Variants in TTC27 observed in about 807,000 individuals in gnomAD.
TTC27 encodes the protein tetratricopeptide repeat protein 27.
In TTC27, 79 loss-of-function variants were observed where a neutral mutation model predicts 115.9. That is an observed-to-expected ratio of 0.68 (90% CI 0.57 to 0.82). The LOEUF is 0.82. TTC27 is among the 40% of genes least tolerant of loss of function. The pLI is 0.00. For missense variants in TTC27, 1,054 were observed against 993.1 expected, an observed-to-expected ratio of 1.06 and a Z score of -0.82; for synonymous variants, 401 against 356.0, an observed-to-expected ratio of 1.13 and a Z score of -1.42.
In TTC27 at chr2:32,758,374, A is replaced by G. The variant is rs1217336081; in HGVS notation, c.1535A>G (p.His512Arg). Residue 512 changes from histidine to arginine, a missense_variant, in exon 13 of 20, where the codon CAT becomes CGT. His to Arg is a conservative substitution (Grantham distance 29). Transcript: ENST00000317907. ...TTGCTTGGAGATGTCCTCGGAGACC[A>G]TTCTTGCTATGACAAGGCCTGGGAG... ...YCLLGDVLGD[H>R]SCYDKAWELS... The G allele has an allele frequency of 6.2e-7, 1 of 1,614,138 alleles. No individual in the cohort carries two copies. Among genetic ancestry groups the G allele is most frequent in the African/African-American group, 1.3e-5 (1 of 74,948 alleles).
At chr2:32,763,237 C>T (rs1669508639) in intron 13 of TTC27, among the ~76,000 whole-genome samples, 1 of 152,144 alleles carries the variant, frequency 6.6e-6, no homozygotes, top group African/African-American at 2.4e-5. Context: ...AGAACTACTA[C>T]AAGATGCAAA....
rs977079629 is a variant in TTC27, at chr2:32,628,109, C to G, written c.-184C>G. On this transcript the variant is annotated 5_prime_UTR_variant, in exon 1 of 20. Coordinates refer to ENST00000317907, the MANE Select transcript of TTC27 (RefSeq NM_017735.5). ...CGTGTTTTTCCCAGGGTGCCCCGCG[C>G]TGCTGTTATGGCCGCCTCCTTGAGG... The G allele has an allele frequency of 8.6e-6, 5 of 581,136 alleles. No individual in the cohort carries two copies. The highest frequency in any genetic ancestry group is 6.6e-5 in the Admixed American group (2 of 30,526). 36.0% of individuals were successfully genotyped at this position (581,136 alleles called of 1,614,324 possible).
At chr2:32,758,266 A>G (rs1669307075) in intron 12 of TTC27, 26 bp from the exon 13 acceptor site, 1 of 1,604,828 alleles carries the variant, frequency 6.2e-7, no homozygotes, top group Non-Finnish European at 8.5e-7. Flanking sequence ...ACTCTTAAGC[A>G]ATTTCATTAT....
In TTC27 at chr2:32,736,773, A is replaced by G. The variant is rs141709300; in HGVS notation, c.1409A>G (p.Glu470Gly). The G allele has an allele frequency of 6.2e-7, 1 of 1,614,050 alleles. No homozygotes were observed. The highest frequency in any genetic ancestry group is 8.5e-7 in the Non-Finnish European group (1 of 1,179,938). ...ATATTTGAAAAGCTAGAAATGTGGG[A>G]AGATGTTGTCATTTGTTATGAAAGA... Reference protein sequence around the residue: ...LQIFEKLEMWEDVVICYERAG... With the variant: ...LQIFEKLEMWGDVVICYERAG... Residue 470 changes from glutamate (E) to glycine (G), a missense_variant, in exon 12 of 20, where the codon GAA (glutamate) becomes GGA (glycine). By Grantham distance (98) the Glu-to-Gly change is moderately conservative. Transcript: ENST00000317907.
chr2:32,666,524 A>T (rs902148113), intron 6 of TTC27, 111 bp from the exon 7 acceptor site: 13 of 1,159,582 alleles, frequency 1.1e-5, no homozygotes, highest in Non-Finnish European at 1.5e-5. Flanking sequence ...TCTTATGTGA[A>T]ATGGAGAAAA....
At chr2:32,689,616 A>T (rs1456213075) in intron 9 of TTC27, among the ~76,000 whole-genome samples, 2 of 152,110 alleles carry the variant, frequency 1.3e-5, no homozygotes, top group African/African-American at 2.4e-5. Context: ...CCCAAAGTTA[A>T]TGGGGGGAAT....
chr2:32,709,040 A>C lies in TTC27; in HGVS notation c.1233+6120A>C, dbSNP rs564077966. Among the ~76,000 whole-genome samples the C allele has an allele frequency of 5.3e-5, 8 of 152,340 alleles. 1 individual carries two copies. In the South Asian group the frequency reaches 1.7e-3, roughly 32 times the overall value. On this transcript the variant is annotated intron_variant, in intron 10 of 19. Transcript: ENST00000317907. The stretch of plus-strand genomic sequence containing the variant: ...CAAACCCCACATTGTTCAAGAGTCA[A>C]CTGTATTTGATTGTAACTCAAAGTA...
At chr2:32,811,373 C>G (rs1671311797) in intron 17 of TTC27, 152 bp downstream of exon 17, 1 of 732,742 alleles carries the variant, frequency 1.4e-6, no homozygotes, top group Non-Finnish European at 2.2e-6. Context: ...AACCTACGTA[C>G]TTTGAATTGT....
chr2:32,648,416 C>T (rs1406963887), intron 4 of TTC27, among the ~76,000 whole-genome samples: 1 of 150,426 alleles, frequency 6.6e-6, no homozygotes, highest in Non-Finnish European at 1.5e-5. Flanking sequence ...AGGTGTGAAC[C>T]ACTGCACCTG....
chr2:32,633,590 G>A (rs901804560), intron 2 of TTC27, among the ~76,000 whole-genome samples: 1 of 152,040 alleles, frequency 6.6e-6, no homozygotes, highest in Non-Finnish European at 1.5e-5. Context: ...TTTTTGTAGA[G>A]ACAGGGTCTC....
intron 4 of TTC27, among the ~76,000 whole-genome samples, chr2:32,642,930 A>C (rs1441923504): frequency 2.0e-5 from 3 of 151,416 alleles, no homozygotes; most frequent in African/African-American, 7.3e-5. Flanking sequence ...CATCTCCCCT[A>C]AGTGCCGAGA....
intron 12 of TTC27, among the ~76,000 whole-genome samples, chr2:32,743,833 A>C (rs1668727501): frequency 6.6e-6 from 1 of 152,178 alleles, no homozygotes; most frequent in Non-Finnish European, 1.5e-5. Flanking sequence ...TCATGTAGTG[A>C]TACTCAGTAT....
intron 11 of TTC27, 48 bp from the exon 12 acceptor site, chr2:32,736,646 C>G: frequency 6.2e-7 from 1 of 1,609,272 alleles, no homozygotes; most frequent in Non-Finnish European, 8.5e-7. Context: ...AAACAGGAAT[C>G]TCTTTTTACA....
chr2:32,707,230 TG>T (rs1266786344), intron 10 of TTC27, among the ~76,000 whole-genome samples: 1 of 152,218 alleles, frequency 6.6e-6, no homozygotes, highest in Non-Finnish European at 1.5e-5. Context: ...CTTACAGTTC[TG>T]GGGACTTGGG....
intron 16 of TTC27, among the ~76,000 whole-genome samples, chr2:32,801,956 G>C (rs1262080159): frequency 6.6e-6 from 1 of 152,192 alleles, no homozygotes; most frequent in African/African-American, 2.4e-5. Context: ...CAGGTCATGT[G>C]GGACAAATTA....
intron 10 of TTC27, among the ~76,000 whole-genome samples, chr2:32,732,044 T>A (rs942511555): frequency 6.7e-6 from 1 of 148,932 alleles, no homozygotes; most frequent in African/African-American, 2.6e-5. Context: ...TGGAGAGCAT[T>A]AGTTATTTTT....
chr2:32,808,163 G>A (rs1048854872), intron 16 of TTC27, among the ~76,000 whole-genome samples: 8 of 151,846 alleles, frequency 5.3e-5, no homozygotes, highest in African/African-American at 9.7e-5. Flanking sequence ...TTGAATTCCC[G>A]ACCTCATGTG....
intron 4 of TTC27, among the ~76,000 whole-genome samples, chr2:32,642,132 C>CG (rs1664674611): frequency 6.6e-6 from 1 of 152,114 alleles, no homozygotes; most frequent in Non-Finnish European, 1.5e-5. Context: ...GCTGGGATTA[C>CG]AGGTGTGAGC....
intron 16 of TTC27, among the ~76,000 whole-genome samples, chr2:32,801,686 G>A (rs773378790): frequency 6.6e-6 from 1 of 152,132 alleles, no homozygotes; most frequent in Admixed American, 6.5e-5. Flanking sequence ...ATGAAGAGGG[G>A]AGTAGATCCA....
Sources: gnomAD v4.1 joint callset for allele counts (sites outside exome capture counted in the v4.1 genomes callset) on GRCh38, gnomAD v4.1.1 for gene constraint, MANE v1.5 for transcripts, NCBI Gene and HGNC (gene_info 2026-07-23, HGNC 2026-07-21) for gene names.